The following MON2 variants were observed in gnomAD, a reference collection of about 807,000 sequenced individuals.
The protein encoded by MON2 is MON2 regulator of endosome-to-Golgi trafficking.
A neutral mutation model predicts 208.6 loss-of-function variants in MON2; 84 were observed. The observed-to-expected ratio is 0.40, with a 90% confidence interval of 0.34 to 0.48. The LOEUF (loss-of-function observed/expected upper bound fraction) is 0.48, where lower values mean the gene tolerates loss of function less well. MON2 is among the 20% of genes least tolerant of loss of function. MON2 has a pLI of 0.59. For synonymous variants in MON2, 660 were observed against 694.0 expected (o/e 0.95, Z 0.77); for missense variants, 1,611 against 2,015.4 (o/e 0.80, Z 3.84).
intron 30 of MON2, among the ~76,000 whole-genome samples, chr12:62,574,447 GCTCACTGCGGCCTTGAC>G (rs1020121634): frequency 6.6e-6 from 1 of 152,032 alleles, no homozygotes; most frequent in Non-Finnish European, 1.5e-5. Context: ...CATGTTCATG[GCTCACTGCGGCCTTGAC>G]CTCCTGGCCT....
intron 34 of MON2, among the ~76,000 whole-genome samples, chr12:62,590,990 CCTTT>C (rs979331874): frequency 6.6e-6 from 1 of 152,166 alleles, no homozygotes; most frequent in Non-Finnish European, 1.5e-5. Context: ...TGAGTTGCTT[CCTTT>C]GAGTTTAAGA....
chr12:62,561,169 T>A, intron 26 of MON2, 56 bp downstream of exon 26: 3 of 1,404,466 alleles, frequency 2.1e-6, no homozygotes, highest in Non-Finnish European at 1.9e-6. Context: ...AAATTTTTTT[T>A]ATTTTGCTAT....
chr12:62,473,791 A>G (rs2068918480), intron 1 of MON2, among the ~76,000 whole-genome samples: 1 of 152,070 alleles, frequency 6.6e-6, no homozygotes, highest in Admixed American at 6.6e-5. Context: ...GGCTGGTCGC[A>G]AACCCCTGAG....
chr12:62,545,526 AT>A (rs1236556257), intron 21 of MON2: 2 of 151,984 alleles, frequency 1.3e-5, no homozygotes, highest in Non-Finnish European at 2.9e-5. Flanking sequence ...CCAAAGTTTT[AT>A]TGTTTCATGA....
chr12:62,548,078 G>A (rs1011025850), intron 22 of MON2, among the ~76,000 whole-genome samples: 1 of 152,150 alleles, frequency 6.6e-6, no homozygotes, highest in African/African-American at 2.4e-5. Flanking sequence ...TTATATAAAT[G>A]ATTTGAATTT....
At chr12:62,482,946 A>T (rs1293088522) in intron 1 of MON2, 4 of 152,206 alleles carry the variant, frequency 2.6e-5, no homozygotes, top group African/African-American at 9.7e-5. Context: ...TGGTGGAAGG[A>T]TCACTTGAGC....
chr12:62,503,709 CTTG>C (rs1308307330), intron 7 of MON2, among the ~76,000 whole-genome samples: 1 of 152,144 alleles, frequency 6.6e-6, no homozygotes, highest in Non-Finnish European at 1.5e-5. Context: ...CACTGTCCTT[CTTG>C]TTGTTTGTGA....
intron 1 of MON2, among the ~76,000 whole-genome samples, chr12:62,471,702 AAAC>A (rs1169608814): frequency 1.3e-5 from 2 of 152,196 alleles, no homozygotes; most frequent in African/African-American, 4.8e-5. Context: ...GAACTGTGGG[AAAC>A]AACATTAAAG....
intron 32 of MON2, among the ~76,000 whole-genome samples, chr12:62,581,671 A>T (rs886875155): frequency 6.6e-6 from 1 of 152,122 alleles, no homozygotes; most frequent in Admixed American, 6.5e-5. Context: ...CCCTGTCTCC[A>T]CTAAAAATAA....
intron 11 of MON2, among the ~76,000 whole-genome samples, chr12:62,531,087 A>G (rs1161494366): frequency 6.6e-6 from 1 of 152,046 alleles, no homozygotes; most frequent in East Asian, 1.9e-4. Context: ...TCTTTTTCTT[A>G]TTTAATTTTA....
intron 27 of MON2, among the ~76,000 whole-genome samples, chr12:62,565,787 G>GT (rs2074360352): frequency 2.0e-5 from 3 of 152,130 alleles, no homozygotes; most frequent in African/African-American, 7.2e-5. Flanking sequence ...TACTAAATAA[G>GT]AAGTTGTACA....
chr12:62,515,888 C>T (rs540774327), intron 8 of MON2, among the ~76,000 whole-genome samples: 13 of 151,912 alleles, frequency 8.6e-5, no homozygotes, highest in Middle Eastern at 3.4e-3. Flanking sequence ...CAACTGTACA[C>T]GTAAATATTG....
At chr12:62,544,620 T>TA in intron 20 of MON2, 1 of 541,346 alleles carries the variant, frequency 1.8e-6, no homozygotes, top group South Asian at 1.9e-5. Flanking sequence ...GAGGGTAAAC[T>TA]TAATTAAGAA....
At chr12:62,509,858 G>A (rs2071301789) in intron 8 of MON2, among the ~76,000 whole-genome samples, 1 of 146,468 alleles carries the variant, frequency 6.8e-6, no homozygotes, top group Non-Finnish European at 1.5e-5. Context: ...AAGCAATAGA[G>A]AGAATCAATG....
intron 22 of MON2, among the ~76,000 whole-genome samples, chr12:62,548,691 G>A (rs2073607047): frequency 6.6e-6 from 1 of 152,156 alleles, no homozygotes; most frequent in Non-Finnish European, 1.5e-5. Flanking sequence ...ATAGGGCATT[G>A]TAGTAAGGGT....
intron 33 of MON2, among the ~76,000 whole-genome samples, chr12:62,587,379 TAA>T (rs35377801): frequency 1.0e-4 from 15 of 147,392 alleles, no homozygotes; most frequent in East Asian, 3.9e-4. Context: ...CTAATTAGTT[TAA>T]AAAAAAAAAA....
Position 62,514,299 on chromosome 12 carries a change from T to G in MON2, c.984+5819T>G, listed in dbSNP as rs1029295759. Among the ~76,000 whole-genome samples the G allele has an allele frequency of 7.2e-5, 11 of 152,328 alleles. 1 individual carries two copies. In the Middle Eastern group the frequency reaches 0.017, roughly 236 times the overall value. On this transcript the variant is annotated intron_variant, in intron 8 of 34. Coordinates refer to ENST00000393630, the MANE Select transcript of MON2 (RefSeq NM_015026.3). ...ACCCAGTTCCGAAGTCACTTCCACA[T>G]TTTTAGGTATCTTTTCCACAGCACC... is the stretch of plus-strand genomic sequence containing the variant.
intron 1 of MON2, among the ~76,000 whole-genome samples, chr12:62,474,890 C>A (rs1205621644): frequency 2.0e-5 from 3 of 152,166 alleles, no homozygotes; most frequent in African/African-American, 7.2e-5. Context: ...CCTTCCAGCT[C>A]TGTAATTTTT....
At chr12:62,585,873 TA>T (rs1259432284) in intron 33 of MON2, 1 of 157,990 alleles carries the variant, frequency 6.3e-6, no homozygotes, top group East Asian at 1.8e-4. Context: ...GTGAAAATCA[TA>T]AATCATATTT....
Sources: allele counts gnomAD v4.1 joint callset (sites outside exome capture counted in the v4.1 genomes callset), GRCh38; gene constraint gnomAD v4.1.1; transcripts MANE v1.5; gene names NCBI Gene and HGNC (gene_info 2026-07-23, HGNC 2026-07-21).